Variants in QTMAN observed in about 807,000 individuals in gnomAD.
QTMAN encodes tRNA-queuosine alpha-mannosyltransferase.
At chr2:144,110,219 G>T in the QTMAN span, among the ~76,000 whole-genome samples, 10 of 152,150 alleles carry the variant, frequency 6.6e-5, no homozygotes, top group Admixed American at 2.0e-4. Context: ...CCATAAAAAA[G>T]GATGAGTTCA....
the QTMAN span, among the ~76,000 whole-genome samples, chr2:144,306,311 G>A: frequency 1.3e-5 from 2 of 152,216 alleles, no homozygotes; most frequent in East Asian, 1.9e-4. Flanking sequence ...CCTACTCCCG[G>A]GTTAGTCAGC....
the QTMAN span, among the ~76,000 whole-genome samples, chr2:143,968,969 T>C: frequency 6.6e-6 from 1 of 152,208 alleles, no homozygotes; most frequent in African/African-American, 2.4e-5. Context: ...CTGTTCAAGA[T>C]CTAGGCTCCC....
the QTMAN span, among the ~76,000 whole-genome samples, chr2:144,108,599 C>T: frequency 6.6e-6 from 1 of 151,456 alleles, no homozygotes; most frequent in Non-Finnish European, 1.5e-5. Context: ...GATCTCGCCA[C>T]TGCCCTCCAG....
chr2:144,017,042 G>A, the QTMAN span, among the ~76,000 whole-genome samples: 1 of 151,042 alleles, frequency 6.6e-6, no homozygotes, highest in Non-Finnish European at 1.5e-5. Flanking sequence ...GTCTCACTCT[G>A]TCGCCAGGCT....
At chr2:143,955,165 A>G in the QTMAN span, among the ~76,000 whole-genome samples, 1 of 152,182 alleles carries the variant, frequency 6.6e-6, no homozygotes, top group East Asian at 1.9e-4. Flanking sequence ...AAGACTGCTA[A>G]TTATCGACAG....
the QTMAN span, among the ~76,000 whole-genome samples, chr2:144,126,485 T>C: frequency 6.6e-6 from 1 of 151,980 alleles, no homozygotes; most frequent in Admixed American, 6.6e-5. Context: ...TGGCTTTTAC[T>C]TAAGGCAGAA....
the QTMAN span, among the ~76,000 whole-genome samples, chr2:144,022,650 G>A: frequency 4.7e-3 from 623 of 132,592 alleles, 4 homozygotes; most frequent in Non-Finnish European, 6.9e-3. Flanking sequence ...TGCAACTTCC[G>A]CCTCCCAGGT....
At chr2:144,199,385 T>C in the QTMAN span, among the ~76,000 whole-genome samples, 1 of 152,164 alleles carries the variant, frequency 6.6e-6, no homozygotes, top group Non-Finnish European at 1.5e-5. Flanking sequence ...TGCCCTCCTG[T>C]AGAACTGAGT....
At chr2:144,081,502 G>A in the QTMAN span, among the ~76,000 whole-genome samples, 13 of 152,280 alleles carry the variant, frequency 8.5e-5, no homozygotes, top group African/African-American at 2.9e-4. Context: ...AATCTGACAG[G>A]AGCGCTGGAG....
chr2:144,050,005 G>A, the QTMAN span, among the ~76,000 whole-genome samples: 23 of 152,054 alleles, frequency 1.5e-4, no homozygotes, highest in African/African-American at 5.3e-4. Context: ...TCTGTCTTCC[G>A]GAAGCCCACA....
chr2:144,015,971 T>C, the QTMAN span, among the ~76,000 whole-genome samples: 1 of 152,236 alleles, frequency 6.6e-6, no homozygotes, highest in Non-Finnish European at 1.5e-5. Context: ...GCGTGACGTG[T>C]AGTAGGAGCT....
At chr2:144,014,034 T>C in the QTMAN span, among the ~76,000 whole-genome samples, 1 of 152,134 alleles carries the variant, frequency 6.6e-6, no homozygotes, top group Non-Finnish European at 1.5e-5. Flanking sequence ...CTTCACTAAA[T>C]AATGGAATCA....
the QTMAN span, among the ~76,000 whole-genome samples, chr2:143,977,826 C>T: frequency 2.6e-5 from 4 of 152,242 alleles, no homozygotes; most frequent in Admixed American, 2.6e-4. Context: ...TCTCAACTTT[C>T]TTTTTAATAG....
the QTMAN span, among the ~76,000 whole-genome samples, chr2:144,259,196 T>A: frequency 6.6e-6 from 1 of 152,206 alleles, no homozygotes; most frequent in Non-Finnish European, 1.5e-5. Flanking sequence ...TCTCACTGTG[T>A]CGCCCAGGCT....
the QTMAN span, among the ~76,000 whole-genome samples, chr2:144,216,434 C>T: frequency 6.6e-6 from 1 of 152,172 alleles, no homozygotes; most frequent in African/African-American, 2.4e-5. Flanking sequence ...CAGGGGGACA[C>T]AGGAAGTTGC....
chr2:144,149,257 A>G, the QTMAN span, among the ~76,000 whole-genome samples: 1 of 151,980 alleles, frequency 6.6e-6, no homozygotes, highest in South Asian at 2.1e-4. Context: ...ACAAGGTGAT[A>G]GCAAAAACCA....
the QTMAN span, among the ~76,000 whole-genome samples, chr2:144,064,556 T>C: frequency 6.6e-6 from 1 of 152,178 alleles, no homozygotes; most frequent in East Asian, 1.9e-4. Flanking sequence ...GAACCTGCGT[T>C]TGAGGAGAAC....
At chr2:144,117,891 G>A in the QTMAN span, among the ~76,000 whole-genome samples, 1 of 151,868 alleles carries the variant, frequency 6.6e-6, no homozygotes, top group Non-Finnish European at 1.5e-5. Flanking sequence ...TGTTGCCCAG[G>A]CTGGAGTGCA....
chr2:143,958,782 C>CTTTTTTTTTTTTTT, the QTMAN span, among the ~76,000 whole-genome samples: 2 of 113,368 alleles, frequency 1.8e-5, no homozygotes, highest in Non-Finnish European at 3.8e-5. Context: ...TTCTTTCTTT[C>CTTTTTTTTTTTTTT]TTTTTTTTTT....
Sources: gnomAD v4.1 joint callset for allele counts (sites outside exome capture counted in the v4.1 genomes callset) on GRCh38, gnomAD v4.1.1 for gene constraint, MANE v1.5 for transcripts, NCBI Gene and HGNC (gene_info 2026-07-23, HGNC 2026-07-21) for gene names.